Variants in CELF2 observed in about 807,000 individuals in gnomAD.
The protein encoded by CELF2 is CUGBP Elav-like family member 2, also known as CUG triplet repeat RNA-binding protein 2.
CELF2 carries 8 observed loss-of-function variants against 62.6 expected under a neutral mutation model. The observed-to-expected ratio is 0.13, with a 90% confidence interval of 0.07 to 0.23. CELF2 has a LOEUF of 0.23. CELF2 is among the 10% of genes least tolerant of loss of function. The pLI is 1.00. For synonymous variants in CELF2, 258 were observed against 250.0 expected (o/e 1.03, Z -0.30); for missense variants, 333 against 671.0 (o/e 0.50, Z 5.56).
chr10:11,160,438 T>C (rs1425088130), intron 1 of CELF2, among the ~76,000 whole-genome samples: 1 of 152,062 alleles, frequency 6.6e-6, no homozygotes, highest in Non-Finnish European at 1.5e-5. Flanking sequence ...TTTAGATAAA[T>C]CTCAACTCTA....
chr10:10,518,414 T>G, the CELF2 span, among the ~76,000 whole-genome samples: 1 of 152,214 alleles, frequency 6.6e-6, no homozygotes. Flanking sequence ...AGATTGTATT[T>G]CACCTTCCTG....
chr10:10,796,723 C>T (rs2054159286), upstream of CELF2, among the ~76,000 whole-genome samples: 1 of 152,208 alleles, frequency 6.6e-6, no homozygotes, highest in Non-Finnish European at 1.5e-5. Flanking sequence ...ACCCGGAACC[C>T]TTTGGAGGTA....
intron 1 of CELF2, among the ~76,000 whole-genome samples, chr10:10,903,470 G>C (rs2063095958): frequency 6.6e-6 from 1 of 152,134 alleles, no homozygotes; most frequent in Admixed American, 6.5e-5. Flanking sequence ...AAATACAAAT[G>C]TATGAAACAG....
the CELF2 span, among the ~76,000 whole-genome samples, chr10:10,639,919 C>T: frequency 3.3e-5 from 5 of 152,204 alleles, no homozygotes; most frequent in African/African-American, 7.2e-5. Flanking sequence ...ATGAAACAGT[C>T]TCCATTCCTG....
At chr10:10,490,218 C>T in the CELF2 span, among the ~76,000 whole-genome samples, 328 of 152,138 alleles carry the variant, frequency 2.2e-3, no homozygotes, top group African/African-American at 7.7e-3. Flanking sequence ...GCAAATTTTG[C>T]CTAAATTAGA....
At chr10:11,076,509 G>T (rs1594722688) in intron 1 of CELF2, among the ~76,000 whole-genome samples, 1 of 152,126 alleles carries the variant, frequency 6.6e-6, no homozygotes, top group African/African-American at 2.4e-5. Flanking sequence ...GTCAATTCTC[G>T]AATGTTTTTT....
the CELF2 span, among the ~76,000 whole-genome samples, chr10:10,540,432 TCTC>T: frequency 6.6e-6 from 1 of 152,160 alleles, no homozygotes; most frequent in East Asian, 1.9e-4. Context: ...TCAAGAAAAA[TCTC>T]CTGGCTAGCC....
chr10:10,913,889 G>GGAAGGAAGGAAGGAA (rs2064074399), intron 1 of CELF2, among the ~76,000 whole-genome samples: 1 of 105,718 alleles, frequency 9.5e-6, no homozygotes, highest in Admixed American at 9.8e-5. Context: ...GAAGGAAGAA[G>GGAAGGAAGGAAGGAA]GAAGGGAGGG....
chr10:11,181,385 G>A (rs1305391041), intron 2 of CELF2, among the ~76,000 whole-genome samples: 1 of 152,206 alleles, frequency 6.6e-6, no homozygotes, highest in East Asian at 1.9e-4. Context: ...ATACCAGTTA[G>A]CACAGTGTGT....
At chr10:10,620,956 G>C in the CELF2 span, among the ~76,000 whole-genome samples, 1 of 143,102 alleles carries the variant, frequency 7.0e-6, no homozygotes, top group African/African-American at 2.6e-5. Context: ...GAGCGCGGTG[G>C]CTCACACCTG....
the CELF2 span, among the ~76,000 whole-genome samples, chr10:10,463,997 A>G: frequency 6.7e-6 from 1 of 149,782 alleles, no homozygotes; most frequent in African/African-American, 2.5e-5. Context: ...TGAAGGTTGT[A>G]TGCTATTTGC....
upstream of CELF2, among the ~76,000 whole-genome samples, chr10:10,793,979 T>G (rs1046280849): frequency 8.7e-6 from 1 of 115,038 alleles, no homozygotes; most frequent in African/African-American, 2.7e-5. Flanking sequence ...CTTTTTTTTG[T>G]TTTTTTTGGT....
intron 2 of CELF2, among the ~76,000 whole-genome samples, chr10:11,190,704 G>C (rs1189456089): frequency 7.9e-6 from 1 of 125,904 alleles, no homozygotes; most frequent in Non-Finnish European, 1.6e-5. Flanking sequence ...AATACTGAAA[G>C]CATACAAAAA....
chr10:10,895,664 T>C (rs1164183087), intron 1 of CELF2, among the ~76,000 whole-genome samples: 1 of 152,220 alleles, frequency 6.6e-6, no homozygotes, highest in Non-Finnish European at 1.5e-5. Context: ...TATCTGCTTC[T>C]GACCCAGATG....
At chr10:10,630,678 C>A in the CELF2 span, among the ~76,000 whole-genome samples, 1 of 152,110 alleles carries the variant, frequency 6.6e-6, no homozygotes, top group Non-Finnish European at 1.5e-5. Context: ...CCCAGAAGAT[C>A]TTAGAGATTG....
At chr10:10,587,123 C>G in the CELF2 span, among the ~76,000 whole-genome samples, 1 of 152,080 alleles carries the variant, frequency 6.6e-6, no homozygotes, top group Non-Finnish European at 1.5e-5. Context: ...CTTTGTCATG[C>G]TACTATTTGG....
At chr10:11,147,624 T>C (rs1454176447) in intron 1 of CELF2, among the ~76,000 whole-genome samples, 1 of 152,220 alleles carries the variant, frequency 6.6e-6, no homozygotes, top group Admixed American at 6.5e-5. Context: ...TCTTTTAAAG[T>C]GATTTGGTTC....
At chr10:10,932,588 T>G (rs1268316707) in intron 2 of CELF2, among the ~76,000 whole-genome samples, 1 of 152,076 alleles carries the variant, frequency 6.6e-6, no homozygotes, top group Non-Finnish European at 1.5e-5. Flanking sequence ...AACCAAATGG[T>G]TCAAAAGTAG....
At chr10:10,736,205 C>A in the CELF2 span, among the ~76,000 whole-genome samples, 1 of 152,136 alleles carries the variant, frequency 6.6e-6, no homozygotes, top group African/African-American at 2.4e-5. Context: ...ATTCTCATGT[C>A]TTTTGTTATT....
Sources: allele counts gnomAD v4.1 joint callset (sites outside exome capture counted in the v4.1 genomes callset), GRCh38; gene constraint gnomAD v4.1.1; transcripts MANE v1.5; gene names NCBI Gene and HGNC (gene_info 2026-07-23, HGNC 2026-07-21).